The following CADM2 variants were observed in gnomAD, a reference collection of about 807,000 sequenced individuals.
The protein encoded by CADM2 is immunoglobulin superfamily member 4D.
Under a neutral mutation model 49.8 loss-of-function variants are expected in CADM2, and 12 were observed. The observed-to-expected ratio is 0.24, with a 90% confidence interval of 0.15 to 0.39. The LOEUF is 0.39. CADM2 is among the 10% of genes least tolerant of loss of function. The pLI, the probability that CADM2 is intolerant of heterozygous loss-of-function variation, is 1.00. For synonymous variants in CADM2, 214 were observed against 175.4 expected (o/e 1.22, Z -1.74); for missense variants, 378 against 492.3 (o/e 0.77, Z 2.20).
At chr3:85,484,175 G>A (rs2039325544) in intron 1 of CADM2, among the ~76,000 whole-genome samples, 1 of 151,764 alleles carries the variant, frequency 6.6e-6, no homozygotes, top group Non-Finnish European at 1.5e-5. Flanking sequence ...TTTTTTCCAG[G>A]AGATGCTTGA....
chr3:85,365,504 A>G (rs1247124028), intron 1 of CADM2, among the ~76,000 whole-genome samples: 5 of 152,150 alleles, frequency 3.3e-5, no homozygotes, highest in African/African-American at 9.7e-5. Context: ...TGGTTGACAG[A>G]GAGATTACTG....
chr3:85,720,186 A>G (rs1559612741), intron 1 of CADM2, among the ~76,000 whole-genome samples: 1 of 152,082 alleles, frequency 6.6e-6, no homozygotes, highest in Non-Finnish European at 1.5e-5. Flanking sequence ...TCATTATTTT[A>G]CTCATGGCCT....
At chr3:86,004,219 C>T (rs1313300388) in intron 8 of CADM2, among the ~76,000 whole-genome samples, 1 of 152,010 alleles carries the variant, frequency 6.6e-6, no homozygotes, top group Non-Finnish European at 1.5e-5. Flanking sequence ...AATAACATTC[C>T]AGTTACAATA....
intron 3 of CADM2, among the ~76,000 whole-genome samples, chr3:85,820,226 A>AGAAT (rs1366794345): frequency 6.6e-6 from 1 of 152,154 alleles, no homozygotes; most frequent in Non-Finnish European, 1.5e-5. Context: ...TGTCAGCCAT[A>AGAAT]GAATAATTCT....
chr3:85,576,850 T>A (rs1007389029), intron 1 of CADM2, among the ~76,000 whole-genome samples: 3 of 152,142 alleles, frequency 2.0e-5, no homozygotes, highest in Non-Finnish European at 4.4e-5. Context: ...CCACCCTCCC[T>A]TTTATTCTCT....
chr3:85,741,408 G>A (rs533583461), intron 2 of CADM2, among the ~76,000 whole-genome samples: 1 of 152,160 alleles, frequency 6.6e-6, no homozygotes, highest in East Asian at 1.9e-4. Context: ...GGTGGCTCAC[G>A]TCTCTATTCC....
intron 1 of CADM2, among the ~76,000 whole-genome samples, chr3:85,342,282 T>G (rs1416607884): frequency 6.6e-6 from 1 of 151,992 alleles, no homozygotes; most frequent in Admixed American, 6.6e-5. Context: ...TCACTGGCCA[T>G]GAGAAAAAAT....
chr3:85,616,941 T>C (rs2063815930), intron 1 of CADM2, among the ~76,000 whole-genome samples: 1 of 152,110 alleles, frequency 6.6e-6, no homozygotes, highest in Non-Finnish European at 1.5e-5. Context: ...AGCTTGGTAA[T>C]TGAGTAACCA....
chr3:85,994,956 G>A (rs1318112647), intron 8 of CADM2, among the ~76,000 whole-genome samples: 2 of 143,246 alleles, frequency 1.4e-5, no homozygotes, highest in African/African-American at 5.2e-5. Context: ...ACATGCTGTT[G>A]GAAAAATGGT....
Position 86,066,946 on chromosome 3 carries a change from A to C in CADM2, c.*163A>C. 2 of 623,632 alleles carry C rather than the reference A, an allele frequency of 3.2e-6. No individual in the cohort carries two copies. The highest frequency in any genetic ancestry group is 5.4e-5 in the East Asian group (2 of 37,170). 38.6% of individuals were successfully genotyped at this position (623,632 alleles called of 1,614,324 possible). ...ATACCAACAATCAGCTGTTGAAAGC[A>C]TCATTCTTTAATTACTGTACCATCC... On this transcript the variant is annotated 3_prime_UTR_variant, in exon 10 of 10. Transcript: ENST00000383699.
intron 1 of CADM2, among the ~76,000 whole-genome samples, chr3:85,679,981 G>A (rs2065994189): frequency 6.6e-6 from 1 of 152,088 alleles, no homozygotes; most frequent in Admixed American, 6.6e-5. Flanking sequence ...AATACCAGGA[G>A]TGTCCAATAT....
chr3:85,431,159 G>T (rs2036644462), intron 1 of CADM2, among the ~76,000 whole-genome samples: 2 of 152,034 alleles, frequency 1.3e-5, no homozygotes, highest in Non-Finnish European at 2.9e-5. Context: ...TATTTCGCAG[G>T]TTTGTACCTA....
chr3:84,966,400 T>C (rs376590529), intron 1 of CADM2, among the ~76,000 whole-genome samples: 1 of 152,002 alleles, frequency 6.6e-6, no homozygotes, highest in African/African-American at 2.4e-5. Context: ...AATAGAATGA[T>C]GGAAAAGTTA....
intron 1 of CADM2, among the ~76,000 whole-genome samples, chr3:85,708,928 G>A (rs961491924): frequency 2.0e-5 from 3 of 150,990 alleles, no homozygotes; most frequent in Admixed American, 2.0e-4. Flanking sequence ...TTATTTCTTT[G>A]CTTTTTTAAA....
chr3:85,382,134 CTTTA>C (rs988417797), intron 1 of CADM2, among the ~76,000 whole-genome samples: 13 of 151,836 alleles, frequency 8.6e-5, no homozygotes, highest in South Asian at 2.1e-4. Flanking sequence ...AGTGGTAATT[CTTTA>C]TTTATAAAAC....
At chr3:85,939,624 A>G (rs2108548630) in intron 7 of CADM2, among the ~76,000 whole-genome samples, 1 of 151,494 alleles carries the variant, frequency 6.6e-6, no homozygotes, top group East Asian at 1.9e-4. Flanking sequence ...GTTTAAATTC[A>G]CCTCCAAAAA....
chr3:85,278,346 C>A (rs1031173565), intron 1 of CADM2, among the ~76,000 whole-genome samples: 1 of 151,284 alleles, frequency 6.6e-6, no homozygotes, highest in Non-Finnish European at 1.5e-5. Context: ...ACATATAATG[C>A]TATTTTGTTT....
In CADM2 at chr3:85,340,428, A is replaced by G. The variant is rs533219590; in HGVS notation, c.61+380760A>G. 3.3e-5 allele frequency among the ~76,000 whole-genome samples: 5 copies of G among 151,688 alleles called. No homozygotes were observed. In the South Asian group the frequency reaches 1.0e-3, roughly 31 times the overall value. ...CTCATAGATTAAGTGCTAATTCAAT[A>G]AAACTGTCTTCATTTGTGTGTGTAC... On this transcript the variant is annotated intron_variant, in intron 1 of 9. Transcript: ENST00000383699.
At chr3:85,282,280 TTC>T in intron 1 of CADM2, among the ~76,000 whole-genome samples, 1 of 148,738 alleles carries the variant, frequency 6.7e-6, no homozygotes, top group African/African-American at 2.5e-5. Context: ...TTTTTTTTTT[TTC>T]GGACAGTCTC....
Sources: gnomAD v4.1 joint callset for allele counts (sites outside exome capture counted in the v4.1 genomes callset) on GRCh38, gnomAD v4.1.1 for gene constraint, MANE v1.5 for transcripts, NCBI Gene and HGNC (gene_info 2026-07-23, HGNC 2026-07-21) for gene names.